ADGRG2: variants seen among roughly 807,000 people sequenced by gnomAD.
The protein encoded by ADGRG2 is adhesion G protein-coupled receptor G2.
In ADGRG2, 26 loss-of-function variants were observed where a neutral mutation model predicts 74.1. The ratio of observed to expected loss-of-function variants is 0.35; its 90% CI spans 0.26 to 0.49. The LOEUF (loss-of-function observed/expected upper bound fraction) is 0.49, where lower values mean the gene tolerates loss of function less well. Ranked by LOEUF, ADGRG2 falls within the 20% of genes least tolerant of loss-of-function variation. The pLI is 0.99. For synonymous variants in ADGRG2, 296 were observed against 295.2 expected (o/e 1.00, Z -0.03); for missense variants, 619 against 763.1 (o/e 0.81, Z 2.22).
At chrX:19,011,793 C>T (rs985407183) in intron 16 of ADGRG2, among the ~76,000 whole-genome samples, 3 of 111,694 alleles carry the variant, frequency 2.7e-5, no homozygotes, top group African/African-American at 9.8e-5. Context: ...TGCGGTGAGC[C>T]GAAATTGCGC....
chrX:18,999,283 G>C lies in ADGRG2; in HGVS notation c.2331-4C>G. 1 of 1,176,658 alleles carries C rather than the reference G, an allele frequency of 8.5e-7. No individual in the cohort carries two copies. The highest frequency in any genetic ancestry group is 1.1e-6 in the Non-Finnish European group (1 of 874,474). ...TGCATTGTTGTTGATCCAGCAGCTG[G>C]AGTTTGTGGAGGGGGGGAAACAGGG... On this transcript the variant is annotated splice_polypyrimidine_tract_variant and splice_region_variant and intron_variant, in intron 25 of 28. Coordinates refer to ENST00000379869, the MANE Select transcript of ADGRG2 (RefSeq NM_001079858.3).
chrX:19,084,755 C>T (rs898295573), intron 1 of ADGRG2, among the ~76,000 whole-genome samples: 1 of 112,042 alleles, frequency 8.9e-6, no homozygotes, highest in Admixed American at 9.5e-5. Context: ...CATAATAAAG[C>T]ACACTTAATG....
At chrX:19,086,191 G>A (rs924905231) in intron 1 of ADGRG2, among the ~76,000 whole-genome samples, 1 of 111,626 alleles carries the variant, frequency 9.0e-6, no homozygotes, top group African/African-American at 3.3e-5. Flanking sequence ...GATCTGATGA[G>A]CACCAGCGCT....
chrX:19,006,958 T>C (rs1038486193), intron 20 of ADGRG2, among the ~76,000 whole-genome samples: 82 of 109,455 alleles, frequency 7.5e-4, no homozygotes, highest in Non-Finnish European at 1.3e-3. Context: ...GGTTTTGCCA[T>C]GTTGCCCAGG....
chrX:19,003,633 T>A (rs1203449345), intron 23 of ADGRG2, among the ~76,000 whole-genome samples: 1 of 112,022 alleles, frequency 8.9e-6, no homozygotes, highest in Non-Finnish European at 1.9e-5. Context: ...TCATCTGTGA[T>A]AACCATAAGG....
intron 1 of ADGRG2, among the ~76,000 whole-genome samples, chrX:19,091,823 G>A (rs186118928): frequency 6.0e-4 from 67 of 112,428 alleles, no homozygotes; most frequent in African/African-American, 2.0e-3. Flanking sequence ...GCCTGTGGGC[G>A]CTAGTTTGCC....
intron 26 of ADGRG2, among the ~76,000 whole-genome samples, chrX:18,997,421 T>C (rs2060038271): frequency 8.9e-6 from 1 of 111,752 alleles, no homozygotes; most frequent in African/African-American, 3.3e-5. Flanking sequence ...CATGTGAGGG[T>C]GGGTACCTTG....
At chrX:19,029,690 G>GT (rs60964427) in intron 9 of ADGRG2, among the ~76,000 whole-genome samples, 5,021 of 101,938 alleles carry the variant, frequency 0.049, 303 homozygotes, top group African/African-American at 0.16. Context: ...AAGATGACCA[G>GT]TTTTTTTTTT....
intron 22 of ADGRG2, among the ~76,000 whole-genome samples, 179 bp downstream of exon 22, chrX:19,005,823 G>T (rs1322606586): frequency 8.9e-6 from 1 of 111,966 alleles, no homozygotes. Context: ...AAAGTGCTGG[G>T]ATTACAGGCG....
chrX:19,083,164 C>T (rs1479656914), intron 1 of ADGRG2, among the ~76,000 whole-genome samples: 3 of 97,220 alleles, frequency 3.1e-5, no homozygotes, highest in African/African-American at 1.2e-4. Context: ...CTACCACACC[C>T]GGCTAATTTT....
intron 2 of ADGRG2, among the ~76,000 whole-genome samples, chrX:19,081,306 T>C (rs1479500428): frequency 1.8e-5 from 2 of 111,825 alleles, no homozygotes; most frequent in African/African-American, 6.5e-5. Context: ...GCAAAATAAT[T>C]CTATCAATAT....
intron 3 of ADGRG2, among the ~76,000 whole-genome samples, chrX:19,053,206 G>A (rs1327037172): frequency 9.0e-6 from 1 of 111,197 alleles, no homozygotes; most frequent in Admixed American, 9.6e-5. Flanking sequence ...AATAAATGAA[G>A]GAAATCTGAA....
intron 1 of ADGRG2, among the ~76,000 whole-genome samples, chrX:19,118,358 GGGA>G (rs1010055331): frequency 3.6e-5 from 4 of 111,858 alleles, no homozygotes; most frequent in African/African-American, 1.3e-4. Context: ...AAAATGAAGT[GGGA>G]AAAAAGGATA....
chrX:19,095,932 T>C (rs920495199), intron 1 of ADGRG2, among the ~76,000 whole-genome samples: 1 of 110,953 alleles, frequency 9.0e-6, no homozygotes, highest in African/African-American at 3.3e-5. Flanking sequence ...GATGGGAGGA[T>C]TGCTTGAGTC....
At chrX:19,077,375 T>G (rs1445854759) in intron 2 of ADGRG2, among the ~76,000 whole-genome samples, 2 of 97,182 alleles carry the variant, frequency 2.1e-5, no homozygotes, top group Non-Finnish European at 4.0e-5. Context: ...TAGCCAGGTA[T>G]GGTGTCAGGT....
In ADGRG2 at chrX:18,999,012, G is replaced by T; in HGVS notation, c.2598C>A (p.Ile866=). The stretch of plus-strand genomic sequence containing the variant: ...AAAGCTTACCTTGTAAGGTATTAAA[G>T]ATGGCAAACAGATACATGAAGGTCA... ...VNVTFMYLFA[I]FNTLQGFFIF... Residue 866 remains isoleucine (I), a synonymous_variant, in exon 26 of 29, where the codon ATC becomes ATA. Coordinates refer to ENST00000379869, the MANE Select transcript of ADGRG2 (RefSeq NM_001079858.3). 8.3e-7 allele frequency: 1 copy of T among 1,202,680 alleles called. No homozygotes were observed. Among genetic ancestry groups the T allele is most frequent in the Non-Finnish European group, 1.1e-6 (1 of 888,484 alleles).
chrX:19,030,331 C>G (rs919056242), intron 9 of ADGRG2, among the ~76,000 whole-genome samples: 6 of 112,131 alleles, frequency 5.4e-5, no homozygotes, highest in African/African-American at 1.9e-4. Context: ...GCCCAGAGAG[C>G]CAAACCAAGG....
intron 1 of ADGRG2, among the ~76,000 whole-genome samples, chrX:19,105,507 C>T (rs2062268039): frequency 9.1e-6 from 1 of 110,444 alleles, no homozygotes; most frequent in Middle Eastern, 4.6e-3. Flanking sequence ...CATGTTCTCA[C>T]TCATAAGTGG....
chrX:19,052,832 G>T (rs1031702513), intron 3 of ADGRG2, among the ~76,000 whole-genome samples: 1 of 109,368 alleles, frequency 9.1e-6, no homozygotes, highest in African/African-American at 3.3e-5. Context: ...TGGGATTACA[G>T]GCGCCCACCA....
Sources: allele counts gnomAD v4.1 joint callset (sites outside exome capture counted in the v4.1 genomes callset), GRCh38; gene constraint gnomAD v4.1.1; transcripts MANE v1.5; gene names NCBI Gene and HGNC (gene_info 2026-07-23, HGNC 2026-07-21).